Variants in PHYKPL observed in about 807,000 individuals in gnomAD.
The protein encoded by PHYKPL is 5-phosphohydroxy-L-lysine phospho-lyase, also known as 5-phosphonooxy-L-lysine phospho-lyase.
In PHYKPL, 42 loss-of-function variants were observed where a neutral mutation model predicts 51.3. The ratio of observed to expected loss-of-function variants is 0.82; its 90% confidence interval spans 0.64 to 1.06. PHYKPL has a LOEUF of 1.06. Among genes scored for constraint, PHYKPL ranks in the 50% least tolerant of loss-of-function variants. The pLI is 0.00. For synonymous variants in PHYKPL, 264 were observed against 236.0 expected (o/e 1.12, Z -1.09); for missense variants, 655 against 586.6 (o/e 1.12, Z -1.20).
rs746524093 is a variant in PHYKPL at position 178,229,957 on chromosome 5, G to T, written c.321C>A (p.Phe107Leu). Residue 107 changes from phenylalanine to leucine, a missense_variant, in exon 3 of 13, where the codon TTC becomes TTA. Coordinates refer to ENST00000308158, the MANE Select transcript of PHYKPL (RefSeq NM_153373.4). ...CCACTTACCCAGAATTCAGGAAATA[G>T]AACACACAGAGCTGCTCCGGCAGGG... ...SETLPEQLCV[F>L]YFLNSGSEAN... 2 of 1,613,802 alleles carry T rather than the reference G, an allele frequency of 1.2e-6. No homozygotes were observed. The highest frequency in any genetic ancestry group is 1.7e-6 in the Non-Finnish European group (2 of 1,179,794).
At chr5:178,210,650 C>A in intron 12 of PHYKPL, 1 of 1,564,770 alleles carries the variant, frequency 6.4e-7, no homozygotes, top group Non-Finnish European at 8.8e-7. Context: ...ACCAACTGAT[C>A]GCACACATGC....
chr5:178,232,105 G>A, intron 1 of PHYKPL: 5 of 1,191,914 alleles, frequency 4.2e-6, no homozygotes, highest in Non-Finnish European at 5.3e-6. Flanking sequence ...GGTCACTCTC[G>A]AGCCAGGCCC....
chr5:178,231,903 C>T, intron 1 of PHYKPL: 1 of 1,305,812 alleles, frequency 7.7e-7, no homozygotes, highest in African/African-American at 1.5e-5. Flanking sequence ...ACATTAGGTG[C>T]CTGGCTCTCA....
intron 8 of PHYKPL, among the ~76,000 whole-genome samples, chr5:178,221,416 A>C (rs1761152304): frequency 6.6e-6 from 1 of 151,988 alleles, no homozygotes; most frequent in Non-Finnish European, 1.5e-5. Context: ...CCGTGAACAC[A>C]CTACTTCCAC....
chr5:178,223,042 G>A, intron 6 of PHYKPL, 108 bp from the exon 7 acceptor site: 1 of 1,014,008 alleles, frequency 9.9e-7, no homozygotes, highest in Middle Eastern at 2.2e-4. Flanking sequence ...CACCATCAGT[G>A]CTGCACCCCT....
intron 8 of PHYKPL, among the ~76,000 whole-genome samples, chr5:178,217,222 A>G (rs889737840): frequency 6.9e-6 from 1 of 144,656 alleles, no homozygotes; most frequent in African/African-American, 2.7e-5. Flanking sequence ...GAGAGGCTCA[A>G]CAGATTTTTT....
intron 1 of PHYKPL, chr5:178,232,282 C>T: frequency 1.6e-6 from 2 of 1,246,226 alleles, no homozygotes; most frequent in Non-Finnish European, 2.0e-6. Context: ...GGGAGGCGGC[C>T]CCGGAGACCA....
downstream of PHYKPL, among the ~76,000 whole-genome samples, chr5:178,208,303 A>G (rs1410945557): frequency 6.6e-6 from 1 of 152,112 alleles, no homozygotes; most frequent in East Asian, 1.9e-4. Context: ...GAAAGAGTGG[A>G]TTAGGATAGT....
intron 8 of PHYKPL, among the ~76,000 whole-genome samples, chr5:178,218,198 C>T (rs1470637364): frequency 1.0e-5 from 1 of 96,390 alleles, no homozygotes; most frequent in African/African-American, 4.6e-5. Flanking sequence ...GCCTGGGTGA[C>T]AGAGCGAAAC....
At chr5:178,213,935 C>T (rs1362331553) in intron 10 of PHYKPL, among the ~76,000 whole-genome samples, 2 of 152,168 alleles carry the variant, frequency 1.3e-5, no homozygotes, top group East Asian at 3.9e-4. Flanking sequence ...GAAAAGCACC[C>T]CCAGGGTATT....
chr5:178,222,605 C>T (rs774335119), intron 7 of PHYKPL, 25 bp from the exon 8 acceptor site: 15 of 1,609,052 alleles, frequency 9.3e-6, no homozygotes, highest in South Asian at 4.4e-5. Flanking sequence ...ATGACTGACA[C>T]GGGGGCTGTG....
chr5:178,222,906 G>A lies in PHYKPL; in HGVS notation c.647C>T (p.Pro216Leu). The A allele has an allele frequency of 6.2e-7, 1 of 1,614,134 alleles. No homozygotes were observed. Among genetic ancestry groups the A allele is most frequent in the Non-Finnish European group, 8.5e-7 (1 of 1,180,024 alleles). Residue 216 changes from proline to leucine, a missense_variant, in exon 7 of 13, where the codon CCC becomes CTC. Coordinates refer to ENST00000308158, the MANE Select transcript of PHYKPL (RefSeq NM_153373.4). ...GGGAATGATCTGCCCTCCCACACTG[G>A]GCAGAGACTCAGCGAAGAAGGCTGC... ...KIAAFFAESL[P>L]SVGGQIIPPA... is the part of the protein sequence containing the mutation.
Position 178,208,728 on chromosome 5 carries a change from T to G in PHYKPL, c.*219A>C, listed in dbSNP as rs1162714165. 6.6e-6 allele frequency: 1 copy of G among 152,316 alleles called. No homozygotes were observed. The highest frequency in any genetic ancestry group is 2.4e-5 in the African/African-American group (1 of 41,416). 9.4% of individuals were successfully genotyped at this position (152,316 alleles called of 1,614,324 possible). The stretch of plus-strand genomic sequence containing the variant: ...CACCCCCAGTGGACAGAAAGGAAAT[T>G]GACTGACTTGAGGGGATGCAGACAT... On this transcript the variant is annotated 3_prime_UTR_variant, in exon 13 of 13. Transcript: ENST00000308158.
Position 178,232,476 on chromosome 5 carries a change from C to A in PHYKPL, c.59+16G>T, listed in dbSNP as rs965729470. ...GCAGCCCCGCGCCCCCCGCCGCCCG[C>A]CCCCCGCCCGGGTACCTGATGAGCC... On this transcript the variant is annotated intron_variant, in intron 1 of 12. Coordinates refer to ENST00000308158, the MANE Select transcript of PHYKPL (RefSeq NM_153373.4). 90 of 1,357,416 alleles carry A rather than the reference C, an allele frequency of 6.6e-5. No individual in the cohort carries two copies. The highest frequency in any genetic ancestry group is 8.1e-5 in the Non-Finnish European group (86 of 1,062,852). The allele number at this position is 1,357,416 out of a possible 1,614,324, so 84.1% of individuals were successfully genotyped here.
chr5:178,215,246 G>A, intron 9 of PHYKPL, 30 bp downstream of exon 9: 5 of 1,613,656 alleles, frequency 3.1e-6, no homozygotes, highest in South Asian at 2.2e-5. Flanking sequence ...CTTGGCAGGT[G>A]GGTGGTGACT....
intron 1 of PHYKPL, 197 bp from the exon 2 acceptor site, chr5:178,231,720 C>CA: frequency 6.5e-7 from 1 of 1,539,306 alleles, no homozygotes; most frequent in South Asian, 1.2e-5. Flanking sequence ...GATGGGGTAA[C>CA]AAGTCGCTGA....
At chr5:178,210,915 G>C (rs1018984126) in intron 12 of PHYKPL, 13 of 440,348 alleles carry the variant, frequency 3.0e-5, no homozygotes, top group Admixed American at 2.0e-4. Flanking sequence ...TCTGCAGCCT[G>C]GACCTGTGGA....
chr5:178,213,342 C>T (rs1173038051), intron 10 of PHYKPL, among the ~76,000 whole-genome samples: 1 of 152,242 alleles, frequency 6.6e-6, no homozygotes, highest in Admixed American at 6.5e-5. Flanking sequence ...CCTTGCCTCA[C>T]CTAACCCTGG....
intron 12 of PHYKPL, chr5:178,210,549 C>T: frequency 6.2e-7 from 1 of 1,613,858 alleles, no homozygotes; most frequent in Middle Eastern, 1.7e-4. Flanking sequence ...GTTCTCGTCC[C>T]TAGGTCAGGG....
Sources: gnomAD v4.1 joint callset for allele counts (sites outside exome capture counted in the v4.1 genomes callset) on GRCh38, gnomAD v4.1.1 for gene constraint, MANE v1.5 for transcripts, NCBI Gene and HGNC (gene_info 2026-07-23, HGNC 2026-07-21) for gene names.